GMCL1: variants seen among roughly 807,000 people sequenced by gnomAD.
The protein encoded by GMCL1 is germ cell-less protein-like 1.
Under a neutral mutation model 75.5 loss-of-function variants are expected in GMCL1, and 54 were observed. The ratio of observed to expected loss-of-function variants is 0.71; its 90% CI spans 0.57 to 0.90. The LOEUF (loss-of-function observed/expected upper bound fraction) is 0.90. GMCL1 is among the 40% of genes least tolerant of loss of function. The pLI, the probability that GMCL1 is intolerant of heterozygous loss-of-function variation, is 0.00. For missense variants in GMCL1, 537 were observed against 622.7 expected (o/e 0.86, Z 1.47); for synonymous variants, 210 against 209.6 (o/e 1.00, Z -0.02).
In GMCL1 at chr2:69,847,428, G is replaced by A. The variant is rs1009544876; in HGVS notation, c.759-115G>A. On this transcript the variant is annotated intron_variant, in intron 6 of 13. Coordinates refer to ENST00000282570, the MANE Select transcript of GMCL1 (RefSeq NM_178439.5). ...CTTTGTCTTGGGCAGAAGGACTGCT[G>A]TCATTTTTAATTCCACATATTTTTT... The A allele has an allele frequency of 5.2e-5, 39 of 745,758 alleles. No individual in the cohort carries two copies. The African/African-American group carries it at 6.8e-4, about 13-fold the overall frequency. The allele number at this position is 745,758 out of a possible 1,614,324, so 46.2% of individuals were successfully genotyped here. A position where few individuals can be genotyped will look rare whatever the true frequency, so the allele number is the denominator to read the frequency against.
At position 69,829,906 on chromosome 2, in the gene GMCL1, G is replaced by T; in HGVS notation, c.14G>T (p.Ser5Ile). The change falls in exon 1 of 14, where the codon AGC (serine) becomes ATC (isoleucine). Residue 5 changes from serine to isoleucine, a missense_variant. Ser to Ile is a moderately radical substitution (Grantham distance 142). Coordinates refer to ENST00000282570, the MANE Select transcript of GMCL1 (RefSeq NM_178439.5). MGSL[S>I]SRVLRQPRPA... ...GAGCCGTGACCCATGGGATCGTTGA[G>T]CAGCCGGGTGCTGCGCCAGCCAAGA... 1.9e-6 allele frequency: 3 copies of T among 1,600,760 alleles called. No homozygotes were observed. Among genetic ancestry groups the T allele is most frequent in the Non-Finnish European group, 2.6e-6 (3 of 1,173,702 alleles).
At chr2:69,864,771 T>C (rs745556569) in intron 10 of GMCL1, 129 bp from the exon 11 acceptor site, 18 of 617,440 alleles carry the variant, frequency 2.9e-5, no homozygotes, top group Non-Finnish European at 4.9e-5. Context: ...CACTTTCTTA[T>C]TTTTATCTGT....
rs760234728 is a variant in GMCL1, at chr2:69,864,971, G to C, written c.1214G>C (p.Gly405Ala). ...TGTGGTAGAAAGCTTGCCAAAGATG[G>C]TGAAGTAAGTATGGGTTGTGACTGT... ...MRCGRKLAKD[G>A]EYCWRWTGFN... The change falls in exon 11 of 14, where the codon GGT (glycine) becomes GCT (alanine). Residue 405 changes from glycine (G) to alanine (A), a missense_variant. Physicochemically the swap from Gly to Ala is moderately conservative, Grantham distance 60. This residue lies in a region of GMCL1 where 345 missense variants were observed against 410.5 expected (regional missense o/e 0.84). Coordinates refer to ENST00000282570, the MANE Select transcript of GMCL1 (RefSeq NM_178439.5). 1.9e-6 allele frequency: 3 copies of C among 1,609,832 alleles called. No individual in the cohort carries two copies. The highest frequency in any genetic ancestry group is 2.2e-5 in the East Asian group (1 of 44,798).
chr2:69,850,121 C>T lies in GMCL1; in HGVS notation c.934+379C>T, dbSNP rs565410028. 9.2e-5 allele frequency among the ~76,000 whole-genome samples: 14 copies of T among 152,252 alleles called. No homozygotes were observed. In the Middle Eastern group the frequency reaches 0.017, roughly 185 times the overall value. On this transcript the variant is annotated intron_variant, in intron 8 of 13. Transcript: ENST00000282570. ...AGCTATACCCCGTCAGGCAACCATT[C>T]TTAACATAGGGGCCATAGATAGGCT...
At chr2:69,868,826 CTTA>C (rs1293062062) in intron 11 of GMCL1, among the ~76,000 whole-genome samples, 2 of 150,864 alleles carry the variant, frequency 1.3e-5, no homozygotes, top group Non-Finnish European at 2.9e-5. Flanking sequence ...AGTGAAAAGC[CTTA>C]TTATTGCTGG....
At chr2:69,835,561 CTCT>C (rs1469421547) in intron 1 of GMCL1, among the ~76,000 whole-genome samples, 1 of 152,092 alleles carries the variant, frequency 6.6e-6, no homozygotes, top group East Asian at 1.9e-4. Context: ...TCCAATGTAC[CTCT>C]TCTTTGAGTA....
In GMCL1 at chr2:69,842,036, A is replaced by C. The variant is rs752921295; in HGVS notation, c.579+997A>C. 2.8e-4 allele frequency among the ~76,000 whole-genome samples: 43 copies of C among 152,338 alleles called. No homozygotes were observed. The Middle Eastern group carries it at 0.014, about 48-fold the overall frequency. On this transcript the variant is annotated intron_variant, in intron 4 of 13. Transcript: ENST00000282570. ...AATATTTTAATCAGGGGAAAGACGA[A>C]GTTATGTTTTAGAAAGAATACTTCA...
chr2:69,835,899 G>C (rs1166592111), intron 1 of GMCL1, among the ~76,000 whole-genome samples: 1 of 152,178 alleles, frequency 6.6e-6, no homozygotes, highest in Non-Finnish European at 1.5e-5. Context: ...GGAGTGAACA[G>C]GCCACAGATT....
At chr2:69,844,074 C>G (rs1343278759) in intron 5 of GMCL1, 57 bp from the exon 6 acceptor site, 2 of 812,208 alleles carry the variant, frequency 2.5e-6, no homozygotes, top group Non-Finnish European at 3.8e-6. Context: ...ATAAGTCCTA[C>G]TTAATAAATT....
intron 11 of GMCL1, among the ~76,000 whole-genome samples, chr2:69,866,203 G>A (rs532369139): frequency 6.0e-4 from 90 of 150,588 alleles, no homozygotes; most frequent in Non-Finnish European, 1.1e-3. Context: ...AGTCAAGATT[G>A]TGACACTGCA....
At chr2:69,870,189 C>A (rs779403444) in intron 12 of GMCL1, among the ~76,000 whole-genome samples, 2 of 151,376 alleles carry the variant, frequency 1.3e-5, no homozygotes, top group African/African-American at 4.9e-5. Flanking sequence ...CAGGAAAACA[C>A]ATATTATCCT....
intron 11 of GMCL1, among the ~76,000 whole-genome samples, chr2:69,866,389 C>G (rs1446708446): frequency 1.3e-5 from 2 of 152,048 alleles, no homozygotes; most frequent in Middle Eastern, 3.4e-3. Context: ...ATATAGATAC[C>G]TATTTGGTTA....
At chr2:69,849,892 T>G (rs1558542239) in intron 8 of GMCL1, 150 bp downstream of exon 8, 2 of 467,848 alleles carry the variant, frequency 4.3e-6, no homozygotes, top group Admixed American at 4.2e-5. Context: ...GGAGAAGACC[T>G]TAGCAATTAT....
chr2:69,873,095 T>G (rs1170589685), intron 13 of GMCL1, among the ~76,000 whole-genome samples: 1 of 151,992 alleles, frequency 6.6e-6, no homozygotes. Context: ...GCTGCCGTGG[T>G]TGGGGGTGGT....
At chr2:69,855,787 A>T (rs1006308698) in intron 9 of GMCL1, among the ~76,000 whole-genome samples, 1 of 152,200 alleles carries the variant, frequency 6.6e-6, no homozygotes, top group African/African-American at 2.4e-5. Flanking sequence ...CTTATAGTAT[A>T]GCAGTTCTAT....
Position 69,830,083 on chromosome 2 carries a change from C to T in GMCL1, c.191C>T (p.Pro64Leu). The T allele has an allele frequency of 1.3e-6, 2 of 1,577,228 alleles. No individual in the cohort carries two copies. Among genetic ancestry groups the T allele is most frequent in the South Asian group, 2.3e-5 (2 of 86,308 alleles). The change falls in exon 1 of 14, where the codon CCT (proline) becomes CTT (leucine). Residue 64 changes from proline to leucine, a missense_variant. Pro to Leu is a moderately conservative substitution (Grantham distance 98). Coordinates refer to ENST00000282570, the MANE Select transcript of GMCL1 (RefSeq NM_178439.5). ...RSSGSFCYCH[P>L]DSETDEDEEE... ...AGCGGGTCCTTCTGCTACTGTCACCCTGACTCGGAGACGGACGAGGATGAG... is the reference window on the plus strand; with the variant it reads ...AGCGGGTCCTTCTGCTACTGTCACCTTGACTCGGAGACGGACGAGGATGAG...
chr2:69,860,675 G>A (rs746019984), intron 9 of GMCL1, among the ~76,000 whole-genome samples: 4 of 152,084 alleles, frequency 2.6e-5, no homozygotes, highest in African/African-American at 4.8e-5. Flanking sequence ...AACGTTAAAC[G>A]CAAGAATATG....
intron 13 of GMCL1, among the ~76,000 whole-genome samples, chr2:69,872,955 C>T (rs1011441339): frequency 7.9e-5 from 12 of 152,218 alleles, no homozygotes; most frequent in Non-Finnish European, 1.6e-4. Flanking sequence ...CCACCATGTG[C>T]TTGGTTCTCA....
chr2:69,861,352 GTATAT>G lies in GMCL1; in HGVS notation c.1142+10_1142+14del. The stretch of plus-strand genomic sequence containing the variant: ...AGAACAGGACAGTGAGGTGGGGTAA[GTATAT>G]TATACCTTATCATTTTTCATTAAAA... On this transcript the variant is annotated splice_donor_region_variant and intron_variant, in intron 10 of 13. Coordinates refer to ENST00000282570, the MANE Select transcript of GMCL1 (RefSeq NM_178439.5). 1.3e-6 allele frequency: 2 copies of G among 1,585,272 alleles called. No homozygotes were observed. Among genetic ancestry groups the G allele is most frequent in the Non-Finnish European group, 1.7e-6 (2 of 1,157,126 alleles).
Sources: gnomAD v4.1 joint callset for allele counts (sites outside exome capture counted in the v4.1 genomes callset) on GRCh38, gnomAD v4.1.1 for gene constraint, gnomAD v4.1.1 regional missense constraint, MANE v1.5 for transcripts, NCBI Gene and HGNC (gene_info 2026-07-23, HGNC 2026-07-21) for gene names.